Variants in CEBPZ observed in about 807,000 individuals in gnomAD.
CEBPZ encodes CCAAT/enhancer-binding protein zeta.
Under a neutral mutation model 104.5 loss-of-function variants are expected in CEBPZ, and 78 were observed. The observed-to-expected ratio is 0.75, with a 90% confidence interval of 0.62 to 0.90. The LOEUF (loss-of-function observed/expected upper bound fraction) is 0.90, where lower values mean the gene tolerates loss of function less well. Ranked by LOEUF, CEBPZ falls within the 40% of genes least tolerant of loss-of-function variation. CEBPZ has a pLI of 0.00. For synonymous variants in CEBPZ, 470 were observed against 427.0 expected, an observed-to-expected ratio of 1.10 and a Z score of -1.24; for missense variants, 1,439 against 1,233.5, an observed-to-expected ratio of 1.17 and a Z score of -2.50.
chr2:37,223,346 G>A lies in CEBPZ; in HGVS notation c.1705C>T (p.Leu569Phe). 1 of 1,614,092 alleles carries A rather than the reference G, an allele frequency of 6.2e-7. No homozygotes were observed. Among genetic ancestry groups the A allele is most frequent in the East Asian group, 2.2e-5 (1 of 44,872 alleles). The change falls in exon 3 of 16, where the codon CTT becomes TTT. Residue 569 changes from leucine to phenylalanine, a missense_variant. Transcript: ENST00000234170. ...TCSKQAMFLN[L>F]VYKSLKADIV... ...TCAGCTTTCAGAGATTTGTAGACAA[G>A]GTTAAGAAACATAGCTTGCTTGGAA...
intron 13 of CEBPZ, among the ~76,000 whole-genome samples, chr2:37,205,261 CCT>C (rs1455809013): frequency 2.6e-5 from 4 of 152,152 alleles, no homozygotes; most frequent in African/African-American, 9.7e-5. Flanking sequence ...CATCATATCC[CCT>C]GTGACCTGCA....
At chr2:37,215,951 T>TAAA (rs201108820) in intron 8 of CEBPZ, among the ~76,000 whole-genome samples, 189 bp downstream of exon 8, 3 of 111,518 alleles carry the variant, frequency 2.7e-5, no homozygotes, top group African/African-American at 9.9e-5. Flanking sequence ...GTAATAAAGT[T>TAAA]AAAAAAAAAA....
rs568324827 is a variant in CEBPZ at position 37,217,850 on chromosome 2, C to T, written c.2155-813G>A. Among the ~76,000 whole-genome samples, 524 of 142,392 alleles carry T rather than the reference C, an allele frequency of 3.7e-3. 5 individuals carry two copies. The highest frequency in any genetic ancestry group is 0.016 in the Middle Eastern group (4 of 256). 93.4% of individuals were successfully genotyped at this position (142,392 alleles called of 152,430 possible). On this transcript the variant is annotated intron_variant, in intron 5 of 15. Transcript: ENST00000234170. Reference sequence around the variant, plus strand: ...CTGGGAGGCGGAACTTGGAGTGAGCCGAGATCGCGCCACTGCACTCTGGCC... The same window carrying T: ...CTGGGAGGCGGAACTTGGAGTGAGCTGAGATCGCGCCACTGCACTCTGGCC...
chr2:37,205,649 A>G (rs1677514086), intron 13 of CEBPZ, among the ~76,000 whole-genome samples: 1 of 152,158 alleles, frequency 6.6e-6, no homozygotes, highest in Admixed American at 6.5e-5. Flanking sequence ...TTTTTAAAAC[A>G]TTATTATTAT....
Position 37,201,616 on chromosome 2 carries a change from T to C in CEBPZ, c.*148A>G. On this transcript the variant is annotated 3_prime_UTR_variant, in exon 16 of 16. Coordinates refer to ENST00000234170, the MANE Select transcript of CEBPZ (RefSeq NM_005760.3). ...TTAACAATGCTTCCACATGACTTTA[T>C]AAATGAGAGCTATTTTTATTTATAG... 2.9e-6 allele frequency: 2 copies of C among 694,348 alleles called. No homozygotes were observed. The highest frequency in any genetic ancestry group is 5.2e-6 in the Non-Finnish European group (2 of 387,764). The allele number at this position is 694,348 out of a possible 1,614,324, so 43.0% of individuals were successfully genotyped here.
intron 13 of CEBPZ, chr2:37,204,735 T>C (rs1677471820): frequency 6.6e-6 from 1 of 152,218 alleles, no homozygotes. Context: ...ATAAATCTGT[T>C]TAAAATTCCT....
intron 5 of CEBPZ, among the ~76,000 whole-genome samples, chr2:37,218,253 C>A (rs902920934): frequency 2.0e-5 from 3 of 149,158 alleles, no homozygotes; most frequent in African/African-American, 7.4e-5. Context: ...GGCGACAGAG[C>A]AAGACTCTGC....
chr2:37,225,448 C>T (rs796459776), intron 2 of CEBPZ, among the ~76,000 whole-genome samples: 1 of 148,480 alleles, frequency 6.7e-6, no homozygotes, highest in South Asian at 2.2e-4. Context: ...TATAACCTTA[C>T]CCCCAACCCC....
intron 2 of CEBPZ, 83 bp from the exon 3 acceptor site, chr2:37,223,484 C>A: frequency 1.1e-5 from 13 of 1,182,902 alleles, no homozygotes; most frequent in South Asian, 1.4e-5. Context: ...TAGCTACTAA[C>A]CTCATCTTAG....
At chr2:37,224,921 T>C (rs185975707) in intron 2 of CEBPZ, among the ~76,000 whole-genome samples, 90 of 152,314 alleles carry the variant, frequency 5.9e-4, no homozygotes, top group Non-Finnish European at 1.2e-3. Context: ...TCAGAGATGT[T>C]AGACTATGAT....
chr2:37,209,973 G>T (rs1677667323), intron 13 of CEBPZ: 1 of 152,204 alleles, frequency 6.6e-6, no homozygotes, highest in South Asian at 2.1e-4. Context: ...TTAAGGATAT[G>T]AACAGACAAT....
intron 5 of CEBPZ, 46 bp downstream of exon 5, chr2:37,220,339 A>G: frequency 1.5e-6 from 1 of 649,190 alleles, no homozygotes. Context: ...ATATATATAT[A>G]TATATATAGC....
intron 1 of CEBPZ, 35 bp downstream of exon 1, chr2:37,231,377 G>T (rs755148486): frequency 6.2e-7 from 1 of 1,612,646 alleles, no homozygotes; most frequent in Non-Finnish European, 8.5e-7. Flanking sequence ...AACTCTCCAC[G>T]CCTGATCCCG....
chr2:37,226,245 G>A (rs1419443111), intron 2 of CEBPZ, among the ~76,000 whole-genome samples: 1 of 151,792 alleles, frequency 6.6e-6, no homozygotes, highest in Admixed American at 6.6e-5. Context: ...CCCACCTTAC[G>A]AGAAACACCC....
rs1330274508 is a variant in CEBPZ, at chr2:37,223,199, C to G, written c.1852G>C (p.Gly618Arg). The G allele has an allele frequency of 6.2e-7, 1 of 1,613,852 alleles. No homozygotes were observed. The highest frequency in any genetic ancestry group is 8.5e-7 in the Non-Finnish European group (1 of 1,179,950). Residue 618 changes from glycine to arginine, a missense_variant, in exon 3 of 16, where the codon GGT (glycine) becomes CGT (arginine). Physicochemically the swap from Gly to Arg is moderately radical, Grantham distance 125. Transcript: ENST00000234170. The part of the protein sequence containing the change: ...LVSEILKAKP[G>R]LRSQLDDHPE... ...TGATCATCTAGTTGGCTTCTTAAAC[C>G]TGGTTTTGCTTTAAGGATCTCAGAC...
At chr2:37,225,602 CA>C (rs1379631479) in intron 2 of CEBPZ, among the ~76,000 whole-genome samples, 1 of 93,020 alleles carries the variant, frequency 1.1e-5, no homozygotes, top group African/African-American at 4.3e-5. Flanking sequence ...CCCAGGGACA[CA>C]AAAACTGCGG....
Position 37,227,981 on chromosome 2 carries a change from A to G in CEBPZ, c.1212T>C (p.His404=). Residue 404 remains histidine, a synonymous_variant, in exon 2 of 16, where the codon CAT becomes CAC. Coordinates refer to ENST00000234170, the MANE Select transcript of CEBPZ (RefSeq NM_005760.3). ...GTTTACAAAGTAATGTCTCTAACAG[A>G]TGGGATGCTTTTGTGGCAATTCTGT... ...PQNRIATKAS[H]LLETLLCKHP... 6.2e-7 allele frequency: 1 copy of G among 1,614,146 alleles called. No homozygotes were observed. The highest frequency in any genetic ancestry group is 8.5e-7 in the Non-Finnish European group (1 of 1,180,024).
In CEBPZ at chr2:37,223,374, C is replaced by G; in HGVS notation, c.1677G>C (p.Thr559=). 6.2e-7 allele frequency: 1 copy of G among 1,614,132 alleles called. No homozygotes were observed. Among genetic ancestry groups the G allele is most frequent in the Non-Finnish European group, 8.5e-7 (1 of 1,179,994 alleles). The change falls in exon 3 of 16, where the codon ACG becomes ACC. Residue 559 remains threonine (T), a synonymous_variant. Transcript: ENST00000234170. The part of the protein sequence containing the change: ...YRKMLDPGLM[T]CSKQAMFLNL... Reference sequence around the variant, plus strand: ...TAAGAAACATAGCTTGCTTGGAACACGTCATCAACCCTGGATCCAACATCT... The same window carrying G: ...TAAGAAACATAGCTTGCTTGGAACAGGTCATCAACCCTGGATCCAACATCT...
chr2:37,218,672 G>A (rs1664695141), intron 5 of CEBPZ, among the ~76,000 whole-genome samples: 1 of 152,154 alleles, frequency 6.6e-6, no homozygotes, highest in South Asian at 2.1e-4. Flanking sequence ...GGGAGGCTGA[G>A]GTAGGTGGAT....
Sources: gnomAD v4.1 joint callset for allele counts (sites outside exome capture counted in the v4.1 genomes callset) on GRCh38, gnomAD v4.1.1 for gene constraint, MANE v1.5 for transcripts, NCBI Gene and HGNC (gene_info 2026-07-23, HGNC 2026-07-21) for gene names.